The following CPNE3 variants were observed in gnomAD, a reference collection of about 807,000 sequenced individuals.
CPNE3 encodes copine 3, also known as copine-3.
In CPNE3, 68 loss-of-function variants were observed where a neutral mutation model predicts 63.9. That is an observed-to-expected ratio of 1.06 (90% confidence interval 0.87 to 1.30). The LOEUF is 1.30. Among genes scored for constraint, CPNE3 ranks in the 50% most tolerant of loss-of-function variants. The pLI is 0.00. For synonymous variants in CPNE3, 219 were observed against 197.5 expected (o/e 1.11, Z -0.91); for missense variants, 665 against 578.1 (o/e 1.15, Z -1.54).
At chr8:86,524,457 G>A (rs983688646) in intron 2 of CPNE3, among the ~76,000 whole-genome samples, 1 of 152,110 alleles carries the variant, frequency 6.6e-6, no homozygotes, top group Admixed American at 6.5e-5. Flanking sequence ...TTCAGAAGAC[G>A]TGTTTGGATC....
intron 7 of CPNE3, among the ~76,000 whole-genome samples, chr8:86,538,994 A>G (rs1820867639): frequency 6.6e-6 from 1 of 152,202 alleles, no homozygotes; most frequent in Non-Finnish European, 1.5e-5. Context: ...TGCCTAATCA[A>G]TTATTGTATT....
Position 86,527,946 on chromosome 8 carries a change from A to ATTTTTTTTTTTTTTTTTTTTTT in CPNE3, c.-10-586_-10-565dup, listed in dbSNP as rs869225401. ...AAATTTATAGTTAAGGTAAAAAGAA[A>ATTTTTTTTTTTTTTTTTTTTTT]TTTTTTTTTTTTTTTTTTTTTTTTT... On this transcript the variant is annotated intron_variant, in intron 2 of 16. Transcript: ENST00000517490. 8.4e-4 allele frequency among the ~76,000 whole-genome samples: 72 copies of ATTTTTTTTTTTTTTTTTTTTTT among 85,962 alleles called. 10 individuals are homozygous for ATTTTTTTTTTTTTTTTTTTTTT. The highest frequency in any genetic ancestry group is 3.9e-3 in the African/African-American group (68 of 17,646). 56.4% of individuals were successfully genotyped at this position (85,962 alleles called of 152,430 possible).
At chr8:86,516,288 C>T (rs975390404) in intron 2 of CPNE3, among the ~76,000 whole-genome samples, 13 of 152,102 alleles carry the variant, frequency 8.5e-5, no homozygotes, top group Admixed American at 1.3e-4. Flanking sequence ...GGCTCCAGGA[C>T]GGGAGAAACA....
At position 86,556,079 on chromosome 8, in the gene CPNE3, G is replaced by A. The variant is rs534175037; in HGVS notation, c.1255-23G>A. On this transcript the variant is annotated intron_variant, in intron 15 of 16. Transcript: ENST00000517490. ...TAGCCATTGCTTGACTTGCTCAGGG[G>A]ACATGTTTTCTTTTTCTGGCAGCAA... is the stretch of plus-strand genomic sequence containing the variant. 3 of 869,900 alleles carry A rather than the reference G, an allele frequency of 3.4e-6. No individual in the cohort carries two copies. In the African/African-American group the frequency reaches 4.9e-5, roughly 14 times the overall value. The allele number at this position is 869,900 out of a possible 1,614,324, so 53.9% of individuals were successfully genotyped here. A position where few individuals can be genotyped will look rare whatever the true frequency, so the allele number is the denominator to read the frequency against.
chr8:86,515,819 C>T (rs916789551), intron 2 of CPNE3, among the ~76,000 whole-genome samples: 2 of 152,150 alleles, frequency 1.3e-5, no homozygotes, highest in Admixed American at 6.6e-5. Flanking sequence ...ATCCTGATGT[C>T]ATTAATAAGG....
intron 4 of CPNE3, among the ~76,000 whole-genome samples, chr8:86,530,888 C>T (rs1193093125): frequency 1.3e-5 from 2 of 151,804 alleles, no homozygotes; most frequent in Admixed American, 6.6e-5. Flanking sequence ...GATGGGGTTT[C>T]ACCATGTTGG....
At chr8:86,531,643 T>C (rs377112134) in intron 5 of CPNE3, among the ~76,000 whole-genome samples, 140 of 147,136 alleles carry the variant, frequency 9.5e-4, no homozygotes, top group African/African-American at 3.4e-3. Flanking sequence ...TATTATGACA[T>C]GGTCAATGAA....
chr8:86,532,277 C>A (rs1230234853), intron 5 of CPNE3, among the ~76,000 whole-genome samples: 3 of 152,168 alleles, frequency 2.0e-5, no homozygotes, highest in Non-Finnish European at 4.4e-5. Flanking sequence ...AACCACATTT[C>A]AAAAGACATT....
chr8:86,551,292 TTTTGTTC>T (rs1230223635), intron 14 of CPNE3, 58 bp downstream of exon 14: 3 of 1,197,514 alleles, frequency 2.5e-6, no homozygotes, highest in Admixed American at 1.8e-5. Context: ...GTCTTTGTTA[TTTTGTTC>T]TTTGTTCTTT....
At chr8:86,545,768 A>G (rs1821035695) in intron 9 of CPNE3, among the ~76,000 whole-genome samples, 1 of 152,226 alleles carries the variant, frequency 6.6e-6, no homozygotes, top group Non-Finnish European at 1.5e-5. Context: ...TTTATTGAAT[A>G]TCTCTTATAT....
At chr8:86,518,592 T>C (rs1820365373) in intron 2 of CPNE3, among the ~76,000 whole-genome samples, 1 of 152,186 alleles carries the variant, frequency 6.6e-6, no homozygotes, top group South Asian at 2.1e-4. Flanking sequence ...GGGACAGTAG[T>C]GAGACATCAC....
chr8:86,527,533 C>A (rs1239277510), intron 2 of CPNE3, among the ~76,000 whole-genome samples: 1 of 152,212 alleles, frequency 6.6e-6, no homozygotes, highest in Non-Finnish European at 1.5e-5. Context: ...CACACCTTCT[C>A]TCTGTAGAAT....
At position 86,561,365 on chromosome 8, in the gene CPNE3, T is replaced by G. The variant is rs1212018104; in HGVS notation, c.*2955T>G. The G allele has an allele frequency of 6.6e-6, 1 of 152,204 alleles. No individual in the cohort carries two copies. Among genetic ancestry groups the G allele is most frequent in the Non-Finnish European group, 1.5e-5 (1 of 68,040 alleles). 9.4% of individuals were successfully genotyped at this position (152,204 alleles called of 1,614,324 possible). On this transcript the variant is annotated 3_prime_UTR_variant, in exon 17 of 17. Transcript: ENST00000517490. ...TACTAATATATGAATTGATGCTAAA[T>G]ATATCTTACATTTGAATTCCTTTTG... is the stretch of plus-strand genomic sequence containing the variant.
chr8:86,551,463 T>C (rs956881238), intron 14 of CPNE3: 11 of 445,074 alleles, frequency 2.5e-5, no homozygotes, highest in Non-Finnish European at 4.3e-5. Flanking sequence ...ATTATGATGA[T>C]GAAGGTGGTA....
intron 12 of CPNE3, among the ~76,000 whole-genome samples, chr8:86,549,891 A>G (rs1402913381): frequency 2.0e-5 from 3 of 152,196 alleles, no homozygotes; most frequent in African/African-American, 7.2e-5. Flanking sequence ...CCATCTCTAG[A>G]TCCCAGCCAT....
intron 6 of CPNE3, among the ~76,000 whole-genome samples, chr8:86,533,341 G>A (rs1820726332): frequency 6.6e-6 from 1 of 152,040 alleles, no homozygotes. Flanking sequence ...TCAGAAGTTT[G>A]AGACCAGCCT....
chr8:86,537,982 C>CTT (rs1375773368), intron 7 of CPNE3, among the ~76,000 whole-genome samples: 1 of 131,490 alleles, frequency 7.6e-6, no homozygotes, highest in African/African-American at 2.6e-5. Context: ...CTCTCTCTCT[C>CTT]TCTCTCACAC....
At chr8:86,542,447 G>A (rs983335649) in intron 8 of CPNE3, among the ~76,000 whole-genome samples, 1 of 152,066 alleles carries the variant, frequency 6.6e-6, no homozygotes, top group African/African-American at 2.4e-5. Context: ...TAGTATCTGT[G>A]TGGTGTGTGC....
At chr8:86,520,549 C>T (rs1286022010) in intron 2 of CPNE3, among the ~76,000 whole-genome samples, 4 of 143,904 alleles carry the variant, frequency 2.8e-5, no homozygotes, top group Non-Finnish European at 6.1e-5. Flanking sequence ...AGTGAAAGTC[C>T]ATCTCAAAAA....
Sources: allele counts gnomAD v4.1 joint callset (sites outside exome capture counted in the v4.1 genomes callset), GRCh38; gene constraint gnomAD v4.1.1; transcripts MANE v1.5; gene names NCBI Gene and HGNC (gene_info 2026-07-23, HGNC 2026-07-21).